SEC24D: variants seen among roughly 807,000 people sequenced by gnomAD.
The protein encoded by SEC24D is SEC24 homolog D, COPII component, also known as protein transport protein Sec24D.
A neutral mutation model predicts 116.9 loss-of-function variants in SEC24D; 69 were observed. The observed-to-expected ratio is 0.59, with a 90% CI of 0.49 to 0.72. The LOEUF (loss-of-function observed/expected upper bound fraction) is 0.72. Ranked by LOEUF, SEC24D falls within the 30% of genes least tolerant of loss-of-function variation. The pLI is 0.00. For synonymous variants in SEC24D, 405 were observed against 442.8 expected, an observed-to-expected ratio of 0.91 and a Z score of 1.07; for missense variants, 1,131 against 1,264.1, an observed-to-expected ratio of 0.89 and a Z score of 1.60.
intron 2 of SEC24D, among the ~76,000 whole-genome samples, chr4:118,831,978 G>A (rs1730878865): frequency 6.6e-6 from 1 of 152,146 alleles, no homozygotes; most frequent in African/African-American, 2.4e-5. Context: ...GGAGGCGGGT[G>A]GATCACGTGA....
At position 118,757,827 on chromosome 4, in the gene SEC24D, G is replaced by A; in HGVS notation, c.1315C>T (p.Pro439Ser). 1 of 1,609,730 alleles carries A rather than the reference G, an allele frequency of 6.2e-7. No homozygotes were observed. Among genetic ancestry groups the A allele is most frequent in the Non-Finnish European group, 8.5e-7 (1 of 1,178,174 alleles). The change falls in exon 11 of 23, where the codon CCA becomes TCA. Residue 439 changes from proline (P) to serine (S), a missense_variant. By Grantham distance (74) the Pro-to-Ser change is moderately conservative (BLOSUM62 -1). Coordinates refer to ENST00000280551, the MANE Select transcript of SEC24D (RefSeq NM_014822.4). ...TCAATCATGAAGATAAAGGCTGGTGGGTTGGGAGGCTTACTCTTCTATAGG... is the reference window on the plus strand; with the variant it reads ...TCAATCATGAAGATAAAGGCTGGTGAGTTGGGAGGCTTACTCTTCTATAGG... ...DYCRKSKPPN[P>S]PAFIFMIDVS... is the part of the protein sequence containing the mutation.
At chr4:118,746,289 C>T (rs1726531891) in intron 13 of SEC24D, among the ~76,000 whole-genome samples, 1 of 151,394 alleles carries the variant, frequency 6.6e-6, no homozygotes. Context: ...ATAACGTCCA[C>T]AGTCCTTTAT....
chr4:118,792,090 GC>G (rs781071388), intron 8 of SEC24D, among the ~76,000 whole-genome samples: 1 of 149,610 alleles, frequency 6.7e-6, no homozygotes, highest in African/African-American at 2.5e-5. Context: ...GAGCGCCTCT[GC>G]CCCGCCGCCC....
At chr4:118,735,570 C>A (rs1171726975) in intron 19 of SEC24D, among the ~76,000 whole-genome samples, 1 of 151,560 alleles carries the variant, frequency 6.6e-6, no homozygotes, top group Non-Finnish European at 1.5e-5. Flanking sequence ...TTTGACTTGC[C>A]TTTTGAAATG....
In SEC24D at chr4:118,833,665, G is replaced by A. The variant is rs774725730; in HGVS notation, c.32C>T (p.Pro11Leu). The change falls in exon 2 of 23, where the codon CCG becomes CTG. Residue 11 changes from proline (P) to leucine (L), a missense_variant. Coordinates refer to ENST00000280551, the MANE Select transcript of SEC24D (RefSeq NM_014822.4). ...TATTCCAGGCTGAGGCTGAGAATAC[G>A]GAGGTGTAGCCACGTAACCTTGTTG... MSQQGYVATPPYSQPQPGIGL... is the reference protein window; with the variant it reads MSQQGYVATPLYSQPQPGIGL... 24 of 1,613,846 alleles carry A rather than the reference G, an allele frequency of 1.5e-5. No homozygotes were observed. The highest frequency in any genetic ancestry group is 1.6e-4 in the Middle Eastern group (1 of 6,084).
At chr4:118,805,036 G>C (rs1250384872) in intron 7 of SEC24D, among the ~76,000 whole-genome samples, 6 of 151,940 alleles carry the variant, frequency 3.9e-5, no homozygotes, top group African/African-American at 1.5e-4. Context: ...AGAGAGAGGT[G>C]AAATGGACAA....
chr4:118,804,719 T>TGATCTTA (rs1208820645), intron 7 of SEC24D, among the ~76,000 whole-genome samples: 1 of 152,042 alleles, frequency 6.6e-6, no homozygotes, highest in Non-Finnish European at 1.5e-5. Context: ...TTTTTACACT[T>TGATCTTA]GATCTTAGCC....
At chr4:118,742,711 TTGTC>T (rs1347115543) in intron 15 of SEC24D, among the ~76,000 whole-genome samples, 2 of 152,194 alleles carry the variant, frequency 1.3e-5, no homozygotes, top group African/African-American at 4.8e-5. Flanking sequence ...TGACTAACAT[TTGTC>T]ATTTATGTTG....
chr4:118,796,227 A>G (rs542423381), intron 8 of SEC24D, among the ~76,000 whole-genome samples: 2 of 152,314 alleles, frequency 1.3e-5, no homozygotes, highest in Admixed American at 6.5e-5. Context: ...AGCTTTGAAA[A>G]TACTTCTAGT....
At chr4:118,734,922 C>T (rs550889585) in intron 19 of SEC24D, among the ~76,000 whole-genome samples, 10 of 152,238 alleles carry the variant, frequency 6.6e-5, no homozygotes, top group African/African-American at 2.2e-4. Flanking sequence ...TAGATCGCCC[C>T]GATGCTATTT....
intron 22 of SEC24D, among the ~76,000 whole-genome samples, chr4:118,726,925 T>C (rs1725445944): frequency 6.6e-6 from 1 of 152,254 alleles, no homozygotes; most frequent in African/African-American, 2.4e-5. Flanking sequence ...CCAACTCTTT[T>C]CTCCTACCTA....
chr4:118,754,198 T>C (rs568609849), intron 11 of SEC24D: 4 of 152,268 alleles, frequency 2.6e-5, no homozygotes, highest in East Asian at 3.9e-4. Flanking sequence ...GTTTATATTC[T>C]GGACACTTGC....
At chr4:118,793,466 CAAAAAAAAAAAAAAA>C (rs70944815) in intron 8 of SEC24D, among the ~76,000 whole-genome samples, 4 of 69,292 alleles carry the variant, frequency 5.8e-5, no homozygotes, top group Non-Finnish European at 1.0e-4. Flanking sequence ...GACTCCGTCT[CAAAAAAAAAAAAAAA>C]AAAAAAAAAA....
In SEC24D at chr4:118,780,209, A is replaced by C. The variant is rs564715860; in HGVS notation, c.1042-11898T>G. Among the ~76,000 whole-genome samples the C allele has an allele frequency of 7.2e-5, 11 of 152,044 alleles. No individual in the cohort carries two copies. In the East Asian group the frequency reaches 2.1e-3, roughly 29 times the overall value. ...TGTGATGTTAGGGTGTCGATTTTGG[A>C]TCTTTCCTGCTTTCTCTTGTGGGCA... On this transcript the variant is annotated intron_variant, in intron 8 of 22. Transcript: ENST00000280551.
At chr4:118,748,929 G>A (rs557273297) in intron 13 of SEC24D, among the ~76,000 whole-genome samples, 7 of 151,902 alleles carry the variant, frequency 4.6e-5, no homozygotes, top group African/African-American at 7.2e-5. Context: ...ACTTAGGTAC[G>A]TATTATGGAT....
At chr4:118,760,315 CCT>C (rs1446719404) in intron 10 of SEC24D, 10 of 152,320 alleles carry the variant, frequency 6.6e-5, no homozygotes, top group South Asian at 2.1e-4. Context: ...CATTAAACAA[CCT>C]CTGTTTCCTC....
At chr4:118,788,299 C>A (rs995496345) in intron 8 of SEC24D, among the ~76,000 whole-genome samples, 7 of 152,196 alleles carry the variant, frequency 4.6e-5, no homozygotes, top group Admixed American at 4.6e-4. Context: ...GTAAGACAGA[C>A]ACTATCAGCT....
At chr4:118,740,615 T>A in intron 17 of SEC24D, 48 bp downstream of exon 17, 1 of 1,599,840 alleles carries the variant, frequency 6.3e-7, no homozygotes, top group Non-Finnish European at 8.6e-7. Flanking sequence ...CTGATCATTG[T>A]CGGCAACAAA....
At chr4:118,820,429 T>C (rs541386369) in intron 3 of SEC24D, among the ~76,000 whole-genome samples, 1 of 152,186 alleles carries the variant, frequency 6.6e-6, no homozygotes, top group Non-Finnish European at 1.5e-5. Flanking sequence ...TCCGCCCGCC[T>C]TGGCCTTCCA....
Sources: gnomAD v4.1 joint callset for allele counts (sites outside exome capture counted in the v4.1 genomes callset) on GRCh38, gnomAD v4.1.1 for gene constraint, MANE v1.5 for transcripts, NCBI Gene and HGNC (gene_info 2026-07-23, HGNC 2026-07-21) for gene names.